CACNB4: variants seen among roughly 807,000 people sequenced by gnomAD.
CACNB4 encodes calcium voltage-gated channel auxiliary subunit beta 4.
CACNB4 carries 32 observed loss-of-function variants against 71.2 expected under a neutral mutation model. That is an observed-to-expected ratio of 0.45 (90% CI 0.34 to 0.60). The LOEUF (loss-of-function observed/expected upper bound fraction) is 0.60. Ranked by LOEUF, CACNB4 falls within the 20% of genes least tolerant of loss-of-function variation. The probability of loss-of-function intolerance (pLI) is 0.01; values close to 1 mark genes in which losing one functional copy is unlikely to be tolerated. For synonymous variants in CACNB4, 231 were observed against 236.9 expected, an observed-to-expected ratio of 0.97 and a Z score of 0.23; for missense variants, 464 against 647.9, an observed-to-expected ratio of 0.72 and a Z score of 3.08.
intron 2 of CACNB4, among the ~76,000 whole-genome samples, chr2:151,963,834 G>A (rs1005344896): frequency 1.3e-5 from 2 of 152,048 alleles, no homozygotes; most frequent in Admixed American, 6.6e-5. Flanking sequence ...TTGGGAGGCC[G>A]AGGCAGGTGG....
intron 2 of CACNB4, among the ~76,000 whole-genome samples, chr2:152,022,686 A>G (rs1195160748): frequency 6.6e-6 from 1 of 152,176 alleles, no homozygotes; most frequent in African/African-American, 2.4e-5. Context: ...TTTACCTCCT[A>G]CACTTAGACT....
intron 2 of CACNB4, among the ~76,000 whole-genome samples, chr2:151,905,622 TA>T (rs1189389053): frequency 2.0e-5 from 3 of 152,212 alleles, no homozygotes; most frequent in Non-Finnish European, 4.4e-5. Context: ...CTCTTTCAAG[TA>T]TCAGTTGCTT....
intron 10 of CACNB4, chr2:151,856,839 A>G (rs2099840440): frequency 6.6e-6 from 1 of 152,110 alleles, no homozygotes; most frequent in Non-Finnish European, 1.5e-5. Context: ...CAGCTTGCCG[A>G]GTAGCTGGGA....
Position 152,050,195 on chromosome 2 carries a change from G to T in CACNB4, c.147+48135C>A, listed in dbSNP as rs139328818. ...CCCGCTGCCTGTCACGTAAAGACGA[G>T]GAAAGAAAGTTTCCGGGTTCTCCCA... On this transcript the variant is annotated intron_variant, in intron 2 of 13. Coordinates refer to ENST00000539935, the MANE Select transcript of CACNB4 (RefSeq NM_000726.5). 1.7e-3 allele frequency among the ~76,000 whole-genome samples: 266 copies of T among 152,310 alleles called. 1 individual carries two copies. Among genetic ancestry groups the T allele is most frequent in the African/African-American group, 6.2e-3 (256 of 41,558 alleles).
intron 2 of CACNB4, among the ~76,000 whole-genome samples, chr2:152,050,045 G>A (rs73967738): frequency 0.011 from 1,713 of 152,360 alleles, 37 homozygotes; most frequent in African/African-American, 0.039. Context: ...TCAGTCTGCT[G>A]AGTGGATGTA....
chr2:152,034,293 GA>G (rs910130501), intron 2 of CACNB4, among the ~76,000 whole-genome samples: 3 of 152,204 alleles, frequency 2.0e-5, no homozygotes, highest in South Asian at 4.1e-4. Context: ...CTGGACACAT[GA>G]GACCTGCAGG....
Position 151,863,294 on chromosome 2 carries a change from G to T in CACNB4, c.759-2474C>A, listed in dbSNP as rs138056024. Among the ~76,000 whole-genome samples the T allele has an allele frequency of 3.5e-4, 53 of 152,190 alleles. No individual in the cohort carries two copies. The East Asian group carries it at 0.01, about 29-fold the overall frequency. ...TTGGCCAGGCTGGTCTCAAACTCCTGACCTCAGGTGATCTACCCACCTCAG... is the reference window on the plus strand; with the variant it reads ...TTGGCCAGGCTGGTCTCAAACTCCTTACCTCAGGTGATCTACCCACCTCAG... On this transcript the variant is annotated intron_variant, in intron 9 of 13. Transcript: ENST00000539935.
chr2:151,846,543 T>TTTTTG (rs907196433), intron 12 of CACNB4, among the ~76,000 whole-genome samples: 3 of 152,166 alleles, frequency 2.0e-5, no homozygotes, highest in South Asian at 4.1e-4. Flanking sequence ...GTTTGTTTGT[T>TTTTTG]TTTTGTTTTG....
In CACNB4 at chr2:151,892,139, G is replaced by GCGCT. The variant is rs751662405; in HGVS notation, c.148-8773_148-8770dup. ...AGAAGCAGTGCTGCATACTGATGAGGCGCTGATCATTGCCTGAAAACACGG... is the reference window on the plus strand; with the variant it reads ...AGAAGCAGTGCTGCATACTGATGAGGCGCTCGCTGATCATTGCCTGAAAACACGG... On this transcript the variant is annotated intron_variant, in intron 2 of 13. Transcript: ENST00000539935. Among the ~76,000 whole-genome samples, 4 of 152,296 alleles carry GCGCT rather than the reference G, an allele frequency of 2.6e-5. No homozygotes were observed. In the South Asian group the frequency reaches 8.3e-4, roughly 32 times the overall value.
chr2:151,975,704 T>C (rs1278249305), intron 2 of CACNB4, among the ~76,000 whole-genome samples: 3 of 152,240 alleles, frequency 2.0e-5, no homozygotes, highest in Non-Finnish European at 4.4e-5. Context: ...CTCAAATTCA[T>C]GTGTCAGACT....
chr2:151,997,174 G>A (rs1159418955), intron 2 of CACNB4, among the ~76,000 whole-genome samples: 1 of 152,138 alleles, frequency 6.6e-6, no homozygotes, highest in African/African-American at 2.4e-5. Flanking sequence ...TTAAGTTAAG[G>A]ATGTTGCAAT....
At chr2:151,957,257 CGTGTGTGTGTGT>C (rs1553791572) in intron 2 of CACNB4, among the ~76,000 whole-genome samples, 32 of 131,786 alleles carry the variant, frequency 2.4e-4, no homozygotes, top group African/African-American at 8.0e-4. Context: ...AGTGGCTGGG[CGTGTGTGTGTGT>C]GTGTGTGTGT....
chr2:152,045,214 G>C (rs115442136), intron 2 of CACNB4, among the ~76,000 whole-genome samples: 107 of 152,280 alleles, frequency 7.0e-4, no homozygotes, highest in African/African-American at 2.5e-3. Flanking sequence ...TAAGGACTGG[G>C]AATATACCAG....
At chr2:151,875,998 C>T (rs1391609083) in intron 5 of CACNB4, among the ~76,000 whole-genome samples, 2 of 143,180 alleles carry the variant, frequency 1.4e-5, no homozygotes, top group Non-Finnish European at 1.5e-5. Context: ...CCCTCCCGGA[C>T]GGGGCGGCTG....
chr2:151,977,571 G>A (rs1265492441), intron 2 of CACNB4, among the ~76,000 whole-genome samples: 1 of 152,162 alleles, frequency 6.6e-6, no homozygotes, highest in Non-Finnish European at 1.5e-5. Context: ...AGGTATTTCT[G>A]TTTTCCACTT....
chr2:152,046,854 C>T (rs1685163552), intron 2 of CACNB4, among the ~76,000 whole-genome samples: 1 of 152,184 alleles, frequency 6.6e-6, no homozygotes, highest in Non-Finnish European at 1.5e-5. Flanking sequence ...TCTCCAGGCG[C>T]TACCACCCAG....
chr2:151,855,375 G>T lies in CACNB4; in HGVS notation c.869C>A (p.Ala290Glu). The change falls in exon 11 of 14, where the codon GCG becomes GAG. Residue 290 changes from alanine (A) to glutamate (E), a missense_variant and splice_region_variant. Transcript: ENST00000539935. Reference sequence around the variant, plus strand: ...TCTTTCAATTTCACTTTGTACTTCCGCTTAAAGGAAAAATAATAAATAGAT... The same window carrying T: ...TCTTTCAATTTCACTTTGTACTTCCTCTTAAAGGAAAAATAATAAATAGAT... Reference protein sequence around the residue: ...IERSNTRSSLAEVQSEIERIF... With the variant: ...IERSNTRSSLEEVQSEIERIF... 6.3e-7 allele frequency: 1 copy of T among 1,575,656 alleles called. No individual in the cohort carries two copies. Among genetic ancestry groups the T allele is most frequent in the Non-Finnish European group, 8.7e-7 (1 of 1,150,336 alleles).
At chr2:152,029,498 AAAAAAAAAAAAAAG>A (rs998203562) in intron 2 of CACNB4, among the ~76,000 whole-genome samples, 4 of 100,014 alleles carry the variant, frequency 4.0e-5, no homozygotes, top group African/African-American at 1.7e-4. Flanking sequence ...GATCTCAAAA[AAAAAAAAAAAAAAG>A]AAAAGAAAAG....
intron 12 of CACNB4, among the ~76,000 whole-genome samples, chr2:151,848,609 G>A (rs1470529400): frequency 6.6e-6 from 1 of 152,206 alleles, no homozygotes. Flanking sequence ...CGACAGAACA[G>A]AGTGACCATG....
Sources: gnomAD v4.1 joint callset for allele counts (sites outside exome capture counted in the v4.1 genomes callset) on GRCh38, gnomAD v4.1.1 for gene constraint, MANE v1.5 for transcripts, NCBI Gene and HGNC (gene_info 2026-07-23, HGNC 2026-07-21) for gene names.